Variants in SACM1L observed in about 807,000 individuals in gnomAD.
The protein encoded by SACM1L is SAC1 like phosphatidylinositide phosphatase, also known as phosphatidylinositol-3-phosphatase SAC1.
In SACM1L, 32 loss-of-function variants were observed where a neutral mutation model predicts 89.5. The observed-to-expected ratio is 0.36, with a 90% CI of 0.27 to 0.48. The LOEUF is 0.48. SACM1L is among the 20% of genes least tolerant of loss of function. SACM1L has a pLI of 0.99. For missense variants in SACM1L, 543 were observed against 708.5 expected (o/e 0.77, Z 2.65); for synonymous variants, 213 against 232.8 (o/e 0.92, Z 0.77).
chr3:45,741,215 AT>A (rs988508147), intron 19 of SACM1L, among the ~76,000 whole-genome samples: 2 of 152,156 alleles, frequency 1.3e-5, no homozygotes, highest in African/African-American at 4.8e-5. Context: ...TCAGGGCACC[AT>A]TCATATGCTC....
intron 11 of SACM1L, among the ~76,000 whole-genome samples, chr3:45,724,285 A>G (rs1044778147): frequency 3.8e-5 from 5 of 132,166 alleles, no homozygotes; most frequent in African/African-American, 1.4e-4. Flanking sequence ...CTTGCTGACA[A>G]TTGTTGTTTT....
intron 5 of SACM1L, among the ~76,000 whole-genome samples, chr3:45,711,639 T>C (rs1575394834): frequency 1.3e-5 from 2 of 152,032 alleles, no homozygotes; most frequent in Non-Finnish European, 2.9e-5. Flanking sequence ...AATGTTAACA[T>C]AGGGAATCAT....
intron 13 of SACM1L, among the ~76,000 whole-genome samples, chr3:45,734,270 A>AG (rs1462914145): frequency 6.6e-6 from 1 of 151,824 alleles, no homozygotes; most frequent in Non-Finnish European, 1.5e-5. Flanking sequence ...AAAATTAGCC[A>AG]GGCATGGTGG....
chr3:45,726,754 CTCT>C (rs1378857357), intron 11 of SACM1L, among the ~76,000 whole-genome samples: 2 of 151,626 alleles, frequency 1.3e-5, no homozygotes, highest in Non-Finnish European at 2.9e-5. Context: ...GTTTAGTTTG[CTCT>C]TCTTTTTCTT....
intron 7 of SACM1L, among the ~76,000 whole-genome samples, chr3:45,715,816 T>C (rs757394934): frequency 5.9e-5 from 9 of 151,600 alleles, no homozygotes; most frequent in Admixed American, 1.3e-4. Flanking sequence ...GTGCCTTAAA[T>C]GATTTGGGCC....
intron 18 of SACM1L, 152 bp from the exon 19 acceptor site, chr3:45,739,435 A>G: frequency 1.4e-6 from 1 of 729,492 alleles, no homozygotes; most frequent in Non-Finnish European, 2.4e-6. Flanking sequence ...GATTGAACCC[A>G]TAAATAATAA....
At chr3:45,705,753 C>A (rs924614753) in intron 3 of SACM1L, among the ~76,000 whole-genome samples, 32 of 152,180 alleles carry the variant, frequency 2.1e-4, no homozygotes, top group Non-Finnish European at 4.4e-4. Flanking sequence ...ATCCACCCAC[C>A]CCAGCCTCCC....
chr3:45,704,281 G>A lies in SACM1L; in HGVS notation c.130+746G>A, dbSNP rs3774652. Among the ~76,000 whole-genome samples the A allele has an allele frequency of 3.4e-4, 52 of 152,172 alleles. No individual in the cohort carries two copies. The East Asian group carries it at 9.3e-3, about 27-fold the overall frequency. On this transcript the variant is annotated intron_variant, in intron 2 of 19. Transcript: ENST00000389061. ...AAAGTACAATATTTGAATAACCATA[G>A]AGTAGGCATTCAGTAAATAGCCTTT...
chr3:45,693,788 G>T (rs1417945519), intron 1 of SACM1L, among the ~76,000 whole-genome samples: 2 of 152,154 alleles, frequency 1.3e-5, no homozygotes, highest in East Asian at 3.8e-4. Context: ...TATGTTTAAT[G>T]TGGAAAACAG....
chr3:45,705,286 A>G, intron 3 of SACM1L, 77 bp downstream of exon 3: 1 of 823,670 alleles, frequency 1.2e-6, no homozygotes, highest in Admixed American at 2.0e-5. Context: ...GAGTGAGTAT[A>G]CGATGAAGTA....
At chr3:45,709,795 A>G in intron 5 of SACM1L, 148 bp downstream of exon 5, 1 of 667,294 alleles carries the variant, frequency 1.5e-6, no homozygotes, top group Non-Finnish European at 2.4e-6. Context: ...TGTTTTAAAT[A>G]TACATCACAA....
intron 3 of SACM1L, 94 bp from the exon 4 acceptor site, chr3:45,706,686 C>G (rs747089458): frequency 2.8e-6 from 3 of 1,077,042 alleles, no homozygotes; most frequent in Non-Finnish European, 4.0e-6. Flanking sequence ...TAGTCTCATT[C>G]TACTAGCCTT....
intron 13 of SACM1L, among the ~76,000 whole-genome samples, chr3:45,733,411 T>G (rs1362278695): frequency 6.6e-6 from 1 of 152,220 alleles, no homozygotes; most frequent in Non-Finnish European, 1.5e-5. Context: ...AGATGATAAC[T>G]TACTGTATAG....
chr3:45,722,503 T>C (rs2125697229), intron 9 of SACM1L, among the ~76,000 whole-genome samples: 1 of 152,334 alleles, frequency 6.6e-6, no homozygotes, highest in Non-Finnish European at 1.5e-5. Flanking sequence ...CCAAATACAT[T>C]CATATGTTCA....
intron 7 of SACM1L, among the ~76,000 whole-genome samples, chr3:45,716,416 C>T (rs1195870449): frequency 6.6e-6 from 1 of 152,150 alleles, no homozygotes; most frequent in Admixed American, 6.5e-5. Flanking sequence ...CTTCAGTGAG[C>T]TATGATCACA....
chr3:45,706,952 G>A lies in SACM1L; in HGVS notation c.333+45G>A, dbSNP rs762810229. The stretch of plus-strand genomic sequence containing the variant: ...ACTAATTGCAGCGCCCAAAGAAGTA[G>A]CATGGGCTGGGGAGAGGAGGGTGAG... On this transcript the variant is annotated intron_variant, in intron 4 of 19. Coordinates refer to ENST00000389061, the MANE Select transcript of SACM1L (RefSeq NM_014016.5). 8.2e-6 allele frequency: 13 copies of A among 1,593,296 alleles called. No individual in the cohort carries two copies. The Admixed American group carries it at 1.2e-4, about 14-fold the overall frequency.
rs1260311733 is a variant in SACM1L at position 45,744,471 on chromosome 3, C to CA, written c.*802_*803insA. 5 of 152,616 alleles carry CA rather than the reference C, an allele frequency of 3.3e-5. No homozygotes were observed. Among genetic ancestry groups the CA allele is most frequent in the Admixed American group, 1.3e-4 (2 of 15,276 alleles). 9.5% of individuals were successfully genotyped at this position (152,616 alleles called of 1,614,324 possible). On this transcript the variant is annotated 3_prime_UTR_variant, in exon 20 of 20. Transcript: ENST00000389061. ...ATGCCCATGACTGGTCAGCTACTTC[C>CA]TCCTATACATTTTGGTTTCTTTGAG... is the stretch of plus-strand genomic sequence containing the variant.
At chr3:45,730,505 A>G (rs369753779) in intron 11 of SACM1L, 2 of 152,244 alleles carry the variant, frequency 1.3e-5, no homozygotes, top group African/African-American at 4.8e-5. Context: ...AAAAAAAGAA[A>G]GCAAAAATGA....
Position 45,689,563 on chromosome 3 carries a change from G to C in SACM1L, c.32+66G>C. 9 of 1,518,872 alleles carry C rather than the reference G, an allele frequency of 5.9e-6. No homozygotes were observed. In the South Asian group the frequency reaches 1.1e-4, roughly 18 times the overall value. 94.1% of individuals were successfully genotyped at this position (1,518,872 alleles called of 1,614,324 possible). On this transcript the variant is annotated intron_variant, in intron 1 of 19. Transcript: ENST00000389061. ...GGCGGCAGGTGCGGGCCCTGGCCTCGGGGAGGGCTTCTGAGTCCCGGATTG... is the reference window on the plus strand; with the variant it reads ...GGCGGCAGGTGCGGGCCCTGGCCTCCGGGAGGGCTTCTGAGTCCCGGATTG...
Sources: gnomAD v4.1 joint callset for allele counts (sites outside exome capture counted in the v4.1 genomes callset) on GRCh38, gnomAD v4.1.1 for gene constraint, MANE v1.5 for transcripts, NCBI Gene and HGNC (gene_info 2026-07-23, HGNC 2026-07-21) for gene names.